The following AIM2 variants were observed in gnomAD, a reference collection of about 807,000 sequenced individuals.
AIM2 encodes the protein absent in melanoma 2, also known as interferon-inducible protein AIM2.
A neutral mutation model predicts 27.7 loss-of-function variants in AIM2; 30 were observed. That is an observed-to-expected ratio of 1.08 (90% confidence interval 0.81 to 1.47). The LOEUF (loss-of-function observed/expected upper bound fraction) is 1.47. Among genes scored for constraint, AIM2 ranks in the 40% most tolerant of loss-of-function variants. AIM2 has a pLI of 0.00. For synonymous variants in AIM2, 141 were observed against 145.3 expected, an observed-to-expected ratio of 0.97 and a Z score of 0.21; for missense variants, 358 against 411.3, an observed-to-expected ratio of 0.87 and a Z score of 1.12.
downstream of AIM2, among the ~76,000 whole-genome samples, chr1:159,060,455 T>G (rs1655797002): frequency 6.6e-6 from 1 of 152,232 alleles, no homozygotes; most frequent in African/African-American, 2.4e-5. Context: ...TACTTATTTC[T>G]GTGAATTTTT....
intron 1 of AIM2, among the ~76,000 whole-genome samples, chr1:159,084,917 C>G (rs536546374): frequency 6.6e-6 from 1 of 151,872 alleles, no homozygotes; most frequent in Non-Finnish European, 1.5e-5. Context: ...AATGTGTTTC[C>G]CACACCTTCT....
chr1:159,084,409 T>G (rs892818464), intron 1 of AIM2, among the ~76,000 whole-genome samples: 2 of 152,038 alleles, frequency 1.3e-5, no homozygotes, highest in African/African-American at 4.8e-5. Flanking sequence ...TCTTGAACTG[T>G]TCAAGATTCC....
At chr1:159,127,027 G>C (rs1442062267) in intron 1 of AIM2, among the ~76,000 whole-genome samples, 1 of 152,038 alleles carries the variant, frequency 6.6e-6, no homozygotes, top group East Asian at 1.9e-4. Flanking sequence ...AGTTTAAAAA[G>C]CAAAACAAAG....
At position 159,066,352 on chromosome 1, in the gene AIM2, A is replaced by G. The variant is rs746869171; in HGVS notation, c.397-23T>C. The stretch of plus-strand genomic sequence containing the variant: ...AGGCTGAAGACAAGAGAAGAAAGAT[A>G]TCAGCTGTGAGTCAAAAAGGTACTA... On this transcript the variant is annotated intron_variant, in intron 3 of 5. Transcript: ENST00000368130. 31 of 1,589,176 alleles carry G rather than the reference A, an allele frequency of 2.0e-5. No homozygotes were observed. In the Admixed American group the frequency reaches 5.1e-4, roughly 26 times the overall value.
intron 1 of AIM2, among the ~76,000 whole-genome samples, chr1:159,088,918 A>G (rs1459175393): frequency 1.3e-5 from 2 of 152,208 alleles, no homozygotes; most frequent in Non-Finnish European, 2.9e-5. Flanking sequence ...TAAATTACCC[A>G]GTTTCAGGTA....
In AIM2 at chr1:159,066,239, T is replaced by G. The variant is rs775282472; in HGVS notation, c.487A>C (p.Lys163Gln). ...CLPVMVLKAK[K>Q]PFTFETQEGK... ...TCTTGGGTCTCAAACGTGAAGGGCTTCTTTGCTTTCAGTACCATAACTGGC... is the reference window on the plus strand; with the variant it reads ...TCTTGGGTCTCAAACGTGAAGGGCTGCTTTGCTTTCAGTACCATAACTGGC... The change falls in exon 4 of 6, where the codon AAG becomes CAG. Residue 163 changes from lysine (K) to glutamine (Q), a missense_variant. Coordinates refer to ENST00000368130, the MANE Select transcript of AIM2 (RefSeq NM_004833.3). The G allele has an allele frequency of 6.2e-7, 1 of 1,614,250 alleles. No individual in the cohort carries two copies. Among genetic ancestry groups the G allele is most frequent in the Non-Finnish European group, 8.5e-7 (1 of 1,180,044 alleles).
chr1:159,109,824 G>T (rs1657527696), intron 1 of AIM2, among the ~76,000 whole-genome samples: 1 of 152,100 alleles, frequency 6.6e-6, no homozygotes, highest in Non-Finnish European at 1.5e-5. Flanking sequence ...CACCACTAAT[G>T]ATCAGGGAAA....
At chr1:159,056,897 G>A in the AIM2 span, among the ~76,000 whole-genome samples, 11 of 152,082 alleles carry the variant, frequency 7.2e-5, no homozygotes, top group Non-Finnish European at 1.2e-4. Context: ...TTGCCTATCA[G>A]TGAAGAGAGA....
chr1:159,106,738 TA>T (rs1657456588), intron 1 of AIM2, among the ~76,000 whole-genome samples: 1 of 152,224 alleles, frequency 6.6e-6, no homozygotes. Flanking sequence ...TAGAAAGTGA[TA>T]TTAGTAAAAA....
At chr1:159,146,107 C>CAA (rs200424411) in intron 1 of AIM2, among the ~76,000 whole-genome samples, 1 of 88,838 alleles carries the variant, frequency 1.1e-5, no homozygotes, top group Non-Finnish European at 2.4e-5. Context: ...ACTGTCCCCT[C>CAA]AAAAAAAAAA....
chr1:159,108,814 T>C (rs548691040), intron 1 of AIM2, among the ~76,000 whole-genome samples: 1 of 152,048 alleles, frequency 6.6e-6, no homozygotes, highest in East Asian at 1.9e-4. Context: ...TAAAATAAAA[T>C]GCTTAGGAAT....
intron 1 of AIM2, among the ~76,000 whole-genome samples, chr1:159,102,310 T>G (rs573568977): frequency 6.6e-6 from 1 of 152,128 alleles, no homozygotes; most frequent in African/African-American, 2.4e-5. Flanking sequence ...AGAGGATGTA[T>G]GGAAATGTCT....
chr1:159,110,957 A>T lies in AIM2; in HGVS notation c.-16+29474T>A, dbSNP rs147230124. On this transcript the variant is annotated intron_variant, in intron 1 of 2. Transcript: ENST00000368129. ...ATCACATTCCATTTACCATCTAGGGAATTATACTTACGCTAATGTGCTCTA... is the reference window on the plus strand; with the variant it reads ...ATCACATTCCATTTACCATCTAGGGTATTATACTTACGCTAATGTGCTCTA... Among the ~76,000 whole-genome samples, 198 of 152,212 alleles carry T rather than the reference A, an allele frequency of 1.3e-3. 2 individuals carry two copies. Among genetic ancestry groups the T allele is most frequent in the East Asian group, 6.0e-3 (31 of 5,180 alleles).
intron 1 of AIM2, among the ~76,000 whole-genome samples, chr1:159,095,399 T>C (rs527377639): frequency 6.6e-6 from 1 of 152,234 alleles, no homozygotes; most frequent in Non-Finnish European, 1.5e-5. Context: ...TTGCATGTAC[T>C]TGAGCCATGA....
intron 1 of AIM2, among the ~76,000 whole-genome samples, chr1:159,137,061 T>C (rs1053160238): frequency 3.3e-5 from 5 of 152,188 alleles, no homozygotes; most frequent in African/African-American, 1.2e-4. Flanking sequence ...TACCAACAGA[T>C]AAAATTTGCC....
chr1:159,066,629 T>C (rs72709576), intron 3 of AIM2, among the ~76,000 whole-genome samples: 5,361 of 152,318 alleles, frequency 0.035, 107 homozygotes, highest in Non-Finnish European at 0.046. Flanking sequence ...CTTCATCAGA[T>C]TTCTGAAATA....
At chr1:159,080,319 T>C (rs555140220), upstream of AIM2, among the ~76,000 whole-genome samples, 18 of 152,208 alleles carry the variant, frequency 1.2e-4, no homozygotes, top group Non-Finnish European at 2.4e-4. Context: ...AAACGAAAGG[T>C]ATCTAATAAG....
intron 1 of AIM2, among the ~76,000 whole-genome samples, chr1:159,088,903 C>A (rs140136605): frequency 1.3e-5 from 2 of 152,304 alleles, no homozygotes; most frequent in African/African-American, 4.8e-5. Flanking sequence ...CATTTTGTTT[C>A]TTTATAAATT....
chr1:159,139,407 C>T (rs1257463882), intron 1 of AIM2, among the ~76,000 whole-genome samples: 3 of 152,150 alleles, frequency 2.0e-5, no homozygotes, highest in African/African-American at 4.8e-5. Flanking sequence ...GTACCCTCCC[C>T]GTATGCTTAG....
Sources: allele counts gnomAD v4.1 joint callset (sites outside exome capture counted in the v4.1 genomes callset), GRCh38; gene constraint gnomAD v4.1.1; transcripts MANE v1.5; gene names NCBI Gene and HGNC (gene_info 2026-07-23, HGNC 2026-07-21).